Variants in DPP6 observed in about 807,000 individuals in gnomAD.
DPP6 encodes A-type potassium channel modulatory protein DPP6.
A neutral mutation model predicts 122.6 loss-of-function variants in DPP6; 69 were observed. The observed-to-expected ratio is 0.56, with a 90% CI of 0.46 to 0.69. The LOEUF is 0.69. DPP6 is among the 30% of genes least tolerant of loss of function. The pLI, the probability that DPP6 is intolerant of heterozygous loss-of-function variation, is 0.00. For missense variants in DPP6, 928 were observed against 1,116.9 expected (o/e 0.83, Z 2.41); for synonymous variants, 418 against 433.1 (o/e 0.97, Z 0.43).
chr7:154,329,025 A>T (rs2151033259), intron 1 of DPP6, among the ~76,000 whole-genome samples: 1 of 152,268 alleles, frequency 6.6e-6, no homozygotes, highest in South Asian at 2.1e-4. Flanking sequence ...CACTTATTAC[A>T]TTTTTTTATT....
In DPP6 at chr7:154,333,542, C is replaced by T; in HGVS notation, c.244-112672C>T. Among the ~76,000 whole-genome samples the T allele has an allele frequency of 1.3e-5, 2 of 152,312 alleles. 1 individual carries two copies. Among genetic ancestry groups the T allele is most frequent in the Admixed American group, 1.3e-4 (2 of 15,302 alleles). On this transcript the variant is annotated intron_variant, in intron 1 of 25. Coordinates refer to ENST00000377770, the MANE Select transcript of DPP6 (RefSeq NM_130797.4). ...AAGCATTGATTTCTCTCTCTGACAA[C>T]TCTTAAGTTATTGGCTGCCAAAAAA... is the stretch of plus-strand genomic sequence containing the variant.
In DPP6 at chr7:154,011,185, G is replaced by A. The variant is rs546337210; in HGVS notation, c.51+123451G>A. On this transcript the variant is annotated intron_variant, in intron 1 of 25. Coordinates refer to the DPP6 transcript ENST00000404039. ...CCTGACAAATTACTCCCTTAACCCA[G>A]CTCTGTTCCTGAAGGCTTGCATATT... Among the ~76,000 whole-genome samples the A allele has an allele frequency of 3.9e-3, 595 of 152,266 alleles. 6 individuals are homozygous for A. The highest frequency in any genetic ancestry group is 0.014 in the African/African-American group (564 of 41,512).
chr7:154,369,611 C>T (rs553243926), intron 1 of DPP6, among the ~76,000 whole-genome samples: 1 of 152,336 alleles, frequency 6.6e-6, no homozygotes, highest in African/African-American at 2.4e-5. Context: ...GGGGATCCAC[C>T]TGCCTTGGCC....
chr7:154,757,705 C>A (rs545437569), intron 8 of DPP6, among the ~76,000 whole-genome samples: 1 of 152,328 alleles, frequency 6.6e-6, no homozygotes, highest in South Asian at 2.1e-4. Flanking sequence ...CCTCACAGCA[C>A]TGGCATAGTC....
At chr7:154,471,222 G>A (rs144377757) in intron 2 of DPP6, among the ~76,000 whole-genome samples, 4 of 152,246 alleles carry the variant, frequency 2.6e-5, no homozygotes, top group Admixed American at 1.3e-4. Context: ...CCACACTCCC[G>A]CCTGGGTGAC....
At chr7:154,358,570 G>A (rs1045114181) in intron 1 of DPP6, among the ~76,000 whole-genome samples, 1 of 152,166 alleles carries the variant, frequency 6.6e-6, no homozygotes, top group African/African-American at 2.4e-5. Flanking sequence ...CACTCGACGT[G>A]TGGGGGCAGT....
chr7:154,442,181 G>A (rs1283420958), intron 1 of DPP6, among the ~76,000 whole-genome samples: 3 of 152,116 alleles, frequency 2.0e-5, no homozygotes, highest in Non-Finnish European at 4.4e-5. Context: ...TGTGCACTAT[G>A]TTGTCCCAAG....
At chr7:154,878,456 C>T (rs1286495005) in intron 20 of DPP6, among the ~76,000 whole-genome samples, 8 of 152,244 alleles carry the variant, frequency 5.3e-5, no homozygotes, top group Admixed American at 5.2e-4. Context: ...TCTTAGGAAG[C>T]TGATGCCCAA....
chr7:154,235,551 A>G (rs1801158997), intron 1 of DPP6, among the ~76,000 whole-genome samples: 1 of 140,092 alleles, frequency 7.1e-6, no homozygotes, highest in South Asian at 2.2e-4. Flanking sequence ...TTTGAATTTA[A>G]TCAGCACTTT....
chr7:154,627,297 G>A (rs141865936), intron 5 of DPP6, among the ~76,000 whole-genome samples: 27 of 146,264 alleles, frequency 1.8e-4, no homozygotes, highest in Admixed American at 7.8e-4. Flanking sequence ...CCGGGTTTTC[G>A]CCATTATCCT....
chr7:154,725,591 A>C (rs1225802168), intron 7 of DPP6, among the ~76,000 whole-genome samples: 1 of 151,988 alleles, frequency 6.6e-6, no homozygotes, highest in Non-Finnish European at 1.5e-5. Context: ...ACCAGGCCCC[A>C]CCTCCAATAT....
At chr7:153,896,676 T>G (rs2128996382) in intron 1 of DPP6, among the ~76,000 whole-genome samples, 1 of 152,164 alleles carries the variant, frequency 6.6e-6, no homozygotes, top group Non-Finnish European at 1.5e-5. Flanking sequence ...AAGTTGATAT[T>G]ATATTATGTG....
At chr7:154,572,275 A>C (rs1325507877) in intron 5 of DPP6, among the ~76,000 whole-genome samples, 1 of 152,192 alleles carries the variant, frequency 6.6e-6, no homozygotes, top group Non-Finnish European at 1.5e-5. Context: ...AATCCTGATC[A>C]AACCTGCTTG....
intron 1 of DPP6, among the ~76,000 whole-genome samples, chr7:154,032,623 A>G (rs878962125): frequency 2.2e-4 from 33 of 152,284 alleles, no homozygotes; most frequent in East Asian, 1.7e-3. Flanking sequence ...ATTTATAACT[A>G]TGTTTCAAAA....
chr7:154,514,013 G>A (rs1172946634), intron 3 of DPP6, among the ~76,000 whole-genome samples: 2 of 152,184 alleles, frequency 1.3e-5, no homozygotes, highest in Non-Finnish European at 2.9e-5. Flanking sequence ...GGTGGCTTAT[G>A]CCTGTAATCC....
intron 25 of DPP6, 105 bp downstream of exon 25, chr7:154,889,635 G>A (rs1319759497): frequency 1.3e-6 from 2 of 1,508,858 alleles, no homozygotes; most frequent in Non-Finnish European, 1.8e-6. Context: ...AGACACGCCT[G>A]TGCTGTGGTG....
upstream of DPP6, among the ~76,000 whole-genome samples, chr7:154,048,997 TAATA>T (rs1034433679): frequency 4.3e-5 from 6 of 138,396 alleles, no homozygotes; most frequent in Admixed American, 3.7e-4. Context: ...CACACCTTTG[TAATA>T]AATAGGGAAG....
chr7:154,083,901 C>A (rs1195165510), intron 1 of DPP6, among the ~76,000 whole-genome samples: 1 of 146,786 alleles, frequency 6.8e-6, no homozygotes, highest in Non-Finnish European at 1.5e-5. Flanking sequence ...GGGAGAACAG[C>A]TGCCTTATGA....
intron 8 of DPP6, among the ~76,000 whole-genome samples, chr7:154,750,737 C>T (rs1197399516): frequency 6.6e-6 from 1 of 152,224 alleles, no homozygotes; most frequent in African/African-American, 2.4e-5. Context: ...AGAGAAGCCG[C>T]TGCTGGAGCA....
Sources: allele counts gnomAD v4.1 joint callset (sites outside exome capture counted in the v4.1 genomes callset), GRCh38; gene constraint gnomAD v4.1.1; transcripts MANE v1.5; gene names NCBI Gene and HGNC (gene_info 2026-07-23, HGNC 2026-07-21).